TRNT1: variants seen among roughly 807,000 people sequenced by gnomAD.
TRNT1 encodes CCA tRNA nucleotidyltransferase 1, mitochondrial.
Under a neutral mutation model 45.6 loss-of-function variants are expected in TRNT1, and 44 were observed. The ratio of observed to expected loss-of-function variants is 0.97; its 90% CI spans 0.76 to 1.24. The LOEUF is 1.24. Ranked by LOEUF, TRNT1 falls within the 50% of genes most tolerant of loss-of-function variation. The pLI is 0.00. For synonymous variants in TRNT1, 201 were observed against 171.4 expected, an observed-to-expected ratio of 1.17 and a Z score of -1.35; for missense variants, 633 against 504.4, an observed-to-expected ratio of 1.25 and a Z score of -2.44.
At chr3:3,143,505 G>T (rs1705789261) in intron 4 of TRNT1, among the ~76,000 whole-genome samples, 1 of 152,168 alleles carries the variant, frequency 6.6e-6, no homozygotes, top group Non-Finnish European at 1.5e-5. Flanking sequence ...GAACAGGACT[G>T]CCCATTTAAC....
intron 3 of TRNT1, among the ~76,000 whole-genome samples, chr3:3,140,042 C>G (rs533240133): frequency 6.6e-6 from 1 of 152,124 alleles, no homozygotes. Context: ...ATTTTAATTT[C>G]ACTGGGGATT....
At chr3:3,135,568 A>G (rs1705278801) in intron 2 of TRNT1, among the ~76,000 whole-genome samples, 1 of 152,164 alleles carries the variant, frequency 6.6e-6, no homozygotes, top group Non-Finnish European at 1.5e-5. Flanking sequence ...TCCTTAATTA[A>G]GTCAAGAGGG....
chr3:3,148,357 A>G lies in TRNT1; in HGVS notation c.*203A>G, dbSNP rs1446240010. 2 of 520,372 alleles carry G rather than the reference A, an allele frequency of 3.8e-6. No homozygotes were observed. Among genetic ancestry groups the G allele is most frequent in the Admixed American group, 7.2e-5 (2 of 27,968 alleles). 32.2% of individuals were successfully genotyped at this position (520,372 alleles called of 1,614,324 possible). On this transcript the variant is annotated 3_prime_UTR_variant, in exon 8 of 8. Transcript: ENST00000251607. ...TCTGGATCTGATTTATATCACTGAA[A>G]TGTACAGTTCTTTTGGAATAGTTTC...
chr3:3,129,224 C>G, intron 2 of TRNT1, 36 bp downstream of exon 2: 1 of 1,584,604 alleles, frequency 6.3e-7, no homozygotes, highest in South Asian at 1.1e-5. Context: ...GATTGGAAAC[C>G]TATATAAATG....
chr3:3,152,394 G>A (rs1255543824), downstream of TRNT1: 18 of 1,541,772 alleles, frequency 1.2e-5, no homozygotes, highest in Non-Finnish European at 8.9e-7. Flanking sequence ...TAGGACTCTG[G>A]ATTTTTCTGC....
rs143917085 is a variant in TRNT1, at chr3:3,135,899, C to T, written c.149-1361C>T. Among the ~76,000 whole-genome samples the T allele has an allele frequency of 9.8e-3, 1,498 of 152,262 alleles. 24 individuals are homozygous for T. The highest frequency in any genetic ancestry group is 0.048 in the Middle Eastern group (14 of 294). ...TGACACTGGAGAACCTGGAGGTATA[C>T]TCAGTAAGAGGGCTTTAGAAATGAC... On this transcript the variant is annotated intron_variant, in intron 2 of 7. Transcript: ENST00000251607.
At chr3:3,150,990 A>G, downstream of TRNT1, 1 of 1,614,030 alleles carries the variant, frequency 6.2e-7, no homozygotes, top group South Asian at 1.1e-5. Context: ...GTGGCCGTAA[A>G]CTTCCATCCA....
chr3:3,139,548 C>T (rs1289436278), intron 3 of TRNT1, among the ~76,000 whole-genome samples: 1 of 152,222 alleles, frequency 6.6e-6, no homozygotes, highest in Admixed American at 6.5e-5. Flanking sequence ...TATTCCTCTT[C>T]CTCCACCGTG....
intron 4 of TRNT1, among the ~76,000 whole-genome samples, chr3:3,140,906 C>A (rs1705607670): frequency 6.6e-6 from 1 of 152,162 alleles, no homozygotes; most frequent in Non-Finnish European, 1.5e-5. Flanking sequence ...CACGGTGAAA[C>A]CCCATCTCTA....
intron 2 of TRNT1, among the ~76,000 whole-genome samples, chr3:3,135,931 T>C (rs76820678): frequency 3.3e-5 from 5 of 152,286 alleles, no homozygotes; most frequent in Admixed American, 6.5e-5. Flanking sequence ...TGACTTCTTA[T>C]AGGAGTTGGG....
chr3:3,128,697 A>G (rs937691865), intron 1 of TRNT1, among the ~76,000 whole-genome samples: 5 of 151,322 alleles, frequency 3.3e-5, no homozygotes, highest in Non-Finnish European at 4.4e-5. Context: ...CTTTTGTTAC[A>G]TTCTAGCCTT....
intron 7 of TRNT1, 32 bp downstream of exon 7, chr3:3,147,735 G>C: frequency 6.4e-7 from 1 of 1,565,510 alleles, no homozygotes; most frequent in Non-Finnish European, 8.6e-7. Context: ...TCAGAAATAT[G>C]AAGTATCGTC....
downstream of TRNT1, chr3:3,153,316 A>ATGTT (rs1393422026): frequency 2.8e-6 from 2 of 708,026 alleles, no homozygotes; most frequent in Non-Finnish European, 5.1e-6. Context: ...CATTTGCTAA[A>ATGTT]TGTTTGTAAC....
chr3:3,129,790 C>G, intron 2 of TRNT1: 1 of 1,347,572 alleles, frequency 7.4e-7, no homozygotes, highest in Non-Finnish European at 1.0e-6. Context: ...AAAAAGGAAA[C>G]AGATTGTTAG....
intron 4 of TRNT1, among the ~76,000 whole-genome samples, chr3:3,144,017 C>A (rs1411984801): frequency 6.6e-6 from 1 of 152,136 alleles, no homozygotes; most frequent in Non-Finnish European, 1.5e-5. Context: ...TATGGACTTA[C>A]ATATATTTTT....
chr3:3,135,493 C>G (rs1705830), intron 2 of TRNT1, among the ~76,000 whole-genome samples: 140,005 of 152,204 alleles, frequency 0.92, 65,517 homozygotes, highest in East Asian at 1. Context: ...AGTGGGCTTT[C>G]ATGGGAAATG....
At chr3:3,147,372 A>G in intron 6 of TRNT1, 78 bp from the exon 7 acceptor site, 2 of 1,525,712 alleles carry the variant, frequency 1.3e-6, no homozygotes, top group Non-Finnish European at 1.8e-6. Context: ...CTGGATACTA[A>G]AATGGTGGCA....
At chr3:3,143,693 C>A (rs1398185132) in intron 4 of TRNT1, among the ~76,000 whole-genome samples, 1 of 105,770 alleles carries the variant, frequency 9.5e-6, no homozygotes, top group Non-Finnish European at 2.6e-5. Context: ...GCCTGGCCCA[C>A]TTGCCGAAAC....
intron 2 of TRNT1, chr3:3,136,534 G>T: frequency 2.6e-6 from 1 of 384,186 alleles, no homozygotes; most frequent in Non-Finnish European, 5.0e-6. Flanking sequence ...TTTCATGCGT[G>T]AACATCCTGC....
Sources: gnomAD v4.1 joint callset for allele counts (sites outside exome capture counted in the v4.1 genomes callset) on GRCh38, gnomAD v4.1.1 for gene constraint, MANE v1.5 for transcripts, NCBI Gene and HGNC (gene_info 2026-07-23, HGNC 2026-07-21) for gene names.